Variants in KCNH5 observed in about 807,000 individuals in gnomAD.
KCNH5 encodes potassium voltage-gated channel subfamily H member 5.
In KCNH5, 46 loss-of-function variants were observed where a neutral mutation model predicts 96.1. The ratio of observed to expected loss-of-function variants is 0.48; its 90% CI spans 0.38 to 0.61. The LOEUF is 0.61. KCNH5 is among the 20% of genes least tolerant of loss of function. The pLI, the probability that KCNH5 is intolerant of heterozygous loss-of-function variation, is 0.00. For synonymous variants in KCNH5, 439 were observed against 449.8 expected (o/e 0.98, Z 0.30); for missense variants, 907 against 1,225.8 (o/e 0.74, Z 3.88).
intron 7 of KCNH5, among the ~76,000 whole-genome samples, chr14:62,942,538 T>C (rs754594437): frequency 6.6e-6 from 1 of 152,196 alleles, no homozygotes; most frequent in Non-Finnish European, 1.5e-5. Context: ...ATTGGTCTCC[T>C]CTGTATGGTG....
At chr14:62,806,473 A>G (rs1484755063) in intron 8 of KCNH5, among the ~76,000 whole-genome samples, 4 of 151,970 alleles carry the variant, frequency 2.6e-5, no homozygotes, top group Admixed American at 6.6e-5. Flanking sequence ...CCCAACAGCT[A>G]CCTTTGGGTA....
intron 7 of KCNH5, among the ~76,000 whole-genome samples, chr14:62,943,860 G>A (rs1183162236): frequency 2.0e-5 from 3 of 152,168 alleles, no homozygotes; most frequent in East Asian, 3.9e-4. Context: ...ATATAGAGAA[G>A]CATCAGGCAA....
At chr14:63,035,663 T>G (rs1476776666) in intron 1 of KCNH5, among the ~76,000 whole-genome samples, 1 of 152,186 alleles carries the variant, frequency 6.6e-6, no homozygotes, top group Non-Finnish European at 1.5e-5. Context: ...AGAGGTGTGT[T>G]GTTTGTTTGG....
At chr14:62,850,609 C>A (rs1183472815) in intron 7 of KCNH5, among the ~76,000 whole-genome samples, 2 of 152,008 alleles carry the variant, frequency 1.3e-5, no homozygotes, top group Non-Finnish European at 2.9e-5. Flanking sequence ...CCAACTGCTC[C>A]CTCCTCCTCA....
chr14:62,899,751 G>T (rs1888886489), intron 7 of KCNH5, among the ~76,000 whole-genome samples: 1 of 150,498 alleles, frequency 6.6e-6, no homozygotes, highest in South Asian at 2.1e-4. Flanking sequence ...GGAGAATGGC[G>T]TGAACCCGGG....
chr14:62,813,062 A>G (rs1437607146), intron 8 of KCNH5, among the ~76,000 whole-genome samples: 1 of 152,188 alleles, frequency 6.6e-6, no homozygotes, highest in Non-Finnish European at 1.5e-5. Flanking sequence ...AGATTGTCTA[A>G]GCACAAATTT....
intron 10 of KCNH5, among the ~76,000 whole-genome samples, chr14:62,713,291 ATT>A: frequency 6.6e-6 from 1 of 152,104 alleles, no homozygotes; most frequent in South Asian, 2.1e-4. Flanking sequence ...TATTATTATT[ATT>A]ATTATTGATC....
chr14:62,872,277 G>A (rs1223264134), intron 7 of KCNH5, among the ~76,000 whole-genome samples: 1 of 152,208 alleles, frequency 6.6e-6, no homozygotes, highest in South Asian at 2.1e-4. Flanking sequence ...TTTTAAAAAA[G>A]AGAATCTCTA....
intron 9 of KCNH5, among the ~76,000 whole-genome samples, chr14:62,781,516 C>T (rs571252970): frequency 2.6e-5 from 4 of 152,150 alleles, no homozygotes; most frequent in Non-Finnish European, 4.4e-5. Context: ...TCTGCAGTCT[C>T]GACCGTAAGA....
chr14:62,936,579 A>T (rs1595691472), intron 7 of KCNH5, among the ~76,000 whole-genome samples: 2 of 150,864 alleles, frequency 1.3e-5, no homozygotes, highest in Non-Finnish European at 3.0e-5. Context: ...GGAGGCTGAG[A>T]CATGAGAATT....
At chr14:62,901,656 C>T (rs1053634573) in intron 7 of KCNH5, among the ~76,000 whole-genome samples, 10 of 152,128 alleles carry the variant, frequency 6.6e-5, no homozygotes, top group African/African-American at 2.4e-4. Flanking sequence ...GATCAAATGT[C>T]TTTGCTATTG....
chr14:62,774,688 A>C (rs768172187), intron 10 of KCNH5, among the ~76,000 whole-genome samples: 1 of 152,208 alleles, frequency 6.6e-6, no homozygotes, highest in Non-Finnish European at 1.5e-5. Flanking sequence ...AGCATCTTGA[A>C]TTGGTTAAAT....
chr14:62,756,325 C>T (rs1368050776), intron 10 of KCNH5, among the ~76,000 whole-genome samples: 1 of 151,994 alleles, frequency 6.6e-6, no homozygotes, highest in African/African-American at 2.4e-5. Context: ...GAAAGATATT[C>T]CATGTTCATA....
chr14:62,861,501 C>A (rs1326656196), intron 7 of KCNH5, among the ~76,000 whole-genome samples: 1 of 152,058 alleles, frequency 6.6e-6, no homozygotes. Context: ...TTTATAGATT[C>A]AAGGAACAAC....
chr14:62,718,464 A>G (rs1367829057), intron 10 of KCNH5, among the ~76,000 whole-genome samples: 4 of 152,216 alleles, frequency 2.6e-5, no homozygotes, highest in African/African-American at 7.2e-5. Context: ...ATGAAAAGAT[A>G]CTCATCATTA....
At chr14:62,876,640 T>A (rs1486438819) in intron 7 of KCNH5, among the ~76,000 whole-genome samples, 1 of 152,188 alleles carries the variant, frequency 6.6e-6, no homozygotes, top group Non-Finnish European at 1.5e-5. Context: ...TAACTGAATA[T>A]GTATAAATCC....
At chr14:62,730,807 G>C (rs1211403311) in intron 10 of KCNH5, among the ~76,000 whole-genome samples, 1 of 152,144 alleles carries the variant, frequency 6.6e-6, no homozygotes, top group Non-Finnish European at 1.5e-5. Flanking sequence ...TATATCAAAA[G>C]CTGGTAGAGT....
chr14:62,831,777 T>C (rs543586108), intron 8 of KCNH5, among the ~76,000 whole-genome samples: 1 of 152,204 alleles, frequency 6.6e-6, no homozygotes, highest in Non-Finnish European at 1.5e-5. Flanking sequence ...GGCATAATCA[T>C]GGCTTCCTGC....
rs550214041 is a variant in KCNH5, at chr14:62,739,340, A to G, written c.2020-30885T>C. 2.0e-5 allele frequency among the ~76,000 whole-genome samples: 3 copies of G among 152,288 alleles called. No individual in the cohort carries two copies. The East Asian group carries it at 5.8e-4, about 29-fold the overall frequency. ...TTGTCCAATATGTGAAAATATTTAG[A>G]TCTTATTTAAAAAGTTCAGTAGATT... On this transcript the variant is annotated intron_variant, in intron 10 of 10. Coordinates refer to ENST00000322893, the MANE Select transcript of KCNH5 (RefSeq NM_139318.5).
Sources: gnomAD v4.1 joint callset for allele counts (sites outside exome capture counted in the v4.1 genomes callset) on GRCh38, gnomAD v4.1.1 for gene constraint, MANE v1.5 for transcripts, NCBI Gene and HGNC (gene_info 2026-07-23, HGNC 2026-07-21) for gene names.